LYPLAL1: variants seen among roughly 807,000 people sequenced by gnomAD.
The protein encoded by LYPLAL1 is lysophospholipase like 1.
A neutral mutation model predicts 19.7 loss-of-function variants in LYPLAL1; 23 were observed. That is an observed-to-expected ratio of 1.17 (90% CI 0.84 to 1.65). LYPLAL1 has a LOEUF of 1.65. Among genes scored for constraint, LYPLAL1 ranks in the 40% most tolerant of loss-of-function variants. LYPLAL1 has a pLI of 0.00. For synonymous variants in LYPLAL1, 119 were observed against 96.3 expected (o/e 1.24, Z -1.38); for missense variants, 355 against 279.4 (o/e 1.27, Z -1.93).
chr1:219,377,564 T>G, the LYPLAL1 span, among the ~76,000 whole-genome samples: 1 of 148,640 alleles, frequency 6.7e-6, no homozygotes, highest in East Asian at 1.9e-4. Context: ...CCCACATACC[T>G]TTAGTTTATT....
Position 219,173,944 on chromosome 1 carries a change from G to C in LYPLAL1, c.54G>C (p.Gly18=), listed in dbSNP as rs371153720. 4.3e-6 allele frequency: 7 copies of C among 1,613,998 alleles called. No individual in the cohort carries two copies. The highest frequency in any genetic ancestry group is 5.9e-6 in the Non-Finnish European group (7 of 1,179,974). Residue 18 remains glycine, a synonymous_variant, in exon 1 of 5, where the codon GGG becomes GGC. Transcript: ENST00000366928. ...AGCGCTGTATCGTGTCGCCGGCAGG[G>C]AGGCATAGCGCCTCTCTGATCTTCC... ...VLQRCIVSPA[G]RHSASLIFLH...
chr1:219,260,446 CT>C, the LYPLAL1 span, among the ~76,000 whole-genome samples: 1 of 151,622 alleles, frequency 6.6e-6, no homozygotes, highest in Admixed American at 6.6e-5. Flanking sequence ...GCAGTCATAA[CT>C]TCAACACATC....
the LYPLAL1 span, among the ~76,000 whole-genome samples, chr1:219,436,403 TA>T: frequency 6.6e-6 from 1 of 152,248 alleles, no homozygotes; most frequent in Non-Finnish European, 1.5e-5. Flanking sequence ...GTTTTCAACC[TA>T]AAAGTTCATT....
At chr1:219,369,206 T>C in the LYPLAL1 span, among the ~76,000 whole-genome samples, 12 of 152,358 alleles carry the variant, frequency 7.9e-5, no homozygotes, top group Admixed American at 1.3e-4. Flanking sequence ...TCTGTCATCT[T>C]GTGTATAAAA....
chr1:219,407,030 ATGT>A, the LYPLAL1 span, among the ~76,000 whole-genome samples: 1 of 152,196 alleles, frequency 6.6e-6, no homozygotes, highest in Admixed American at 6.5e-5. Context: ...TTCCTTAATG[ATGT>A]TGTTTCACAT....
chr1:219,199,224 A>C (rs182739219), intron 3 of LYPLAL1, among the ~76,000 whole-genome samples: 1 of 152,344 alleles, frequency 6.6e-6, no homozygotes, highest in East Asian at 1.9e-4. Flanking sequence ...ATATCCGAAG[A>C]TAAGTTAGAA....
In LYPLAL1 at chr1:219,193,164, G is replaced by A. The variant is rs756035228; in HGVS notation, c.274G>A (p.Glu92Lys). 2.5e-6 allele frequency: 4 copies of A among 1,609,050 alleles called. No individual in the cohort carries two copies. Among genetic ancestry groups the A allele is most frequent in the Non-Finnish European group, 3.4e-6 (4 of 1,177,012 alleles). The change falls in exon 3 of 5, where the codon GAA becomes AAA. Residue 92 changes from glutamate (E) to lysine (K), a missense_variant. Transcript: ENST00000366928. ...KITNDCPEHL[E>K]SIDVMCQVLT... ...AACCAATGACTGCCCAGAACACCTT[G>A]AATCAATTGATGTCATGTGTCAAGT...
At chr1:219,217,490 G>C (rs1020090424), downstream of LYPLAL1, among the ~76,000 whole-genome samples, 1 of 150,980 alleles carries the variant, frequency 6.6e-6, no homozygotes, top group African/African-American at 2.4e-5. Flanking sequence ...CTTCAATCCT[G>C]GTCCTCCATC....
chr1:219,217,379 G>GGGGTGTGTGTGTGTGTGTGT (rs1553304603), downstream of LYPLAL1, among the ~76,000 whole-genome samples: 94 of 134,128 alleles, frequency 7.0e-4, no homozygotes, highest in Middle Eastern at 3.8e-3. Context: ...TGCCAGGTTT[G>GGGGTGTGTGTGTGTGTGTGT]GTGTGTGTGT....
At chr1:219,387,141 G>A in the LYPLAL1 span, among the ~76,000 whole-genome samples, 1 of 152,034 alleles carries the variant, frequency 6.6e-6, no homozygotes, top group Non-Finnish European at 1.5e-5. Flanking sequence ...ATGCTCCTCT[G>A]TCCAAATATA....
chr1:219,235,703 A>G, the LYPLAL1 span, among the ~76,000 whole-genome samples: 1 of 152,166 alleles, frequency 6.6e-6, no homozygotes. Context: ...AAATTCAAGT[A>G]TAGTCTTGGC....
At chr1:219,375,515 A>AAG in the LYPLAL1 span, among the ~76,000 whole-genome samples, 40 of 147,932 alleles carry the variant, frequency 2.7e-4, no homozygotes, top group African/African-American at 9.9e-4. Context: ...AAAAAAAAAA[A>AAG]GGAACAAATA....
At chr1:219,193,061 G>GT (rs72511830) in intron 2 of LYPLAL1, 21 bp from the exon 3 acceptor site, 25 of 1,510,754 alleles carry the variant, frequency 1.7e-5, no homozygotes, top group African/African-American at 8.5e-5. Context: ...TTTTTTTTGG[G>GT]GGGGGGCGGT....
the LYPLAL1 span, among the ~76,000 whole-genome samples, chr1:219,362,226 T>C: frequency 1.3e-5 from 2 of 152,208 alleles, no homozygotes. Flanking sequence ...TGGATGAAAA[T>C]GATATAGACA....
chr1:219,304,617 G>A, the LYPLAL1 span, among the ~76,000 whole-genome samples: 1 of 152,184 alleles, frequency 6.6e-6, no homozygotes, highest in African/African-American at 2.4e-5. Context: ...TGAAGACTGG[G>A]AAACAAGAGT....
At chr1:219,341,449 C>T in the LYPLAL1 span, among the ~76,000 whole-genome samples, 1 of 152,082 alleles carries the variant, frequency 6.6e-6, no homozygotes, top group African/African-American at 2.4e-5. Context: ...CATGGCTCTC[C>T]TTTCAGAAAA....
chr1:219,383,444 A>G, the LYPLAL1 span, among the ~76,000 whole-genome samples: 2 of 152,224 alleles, frequency 1.3e-5, no homozygotes, highest in East Asian at 3.8e-4. Context: ...GCTCAGATGT[A>G]TCACTGCACT....
the LYPLAL1 span, among the ~76,000 whole-genome samples, chr1:219,403,054 TAG>T: frequency 2.6e-5 from 4 of 152,288 alleles, no homozygotes; most frequent in Non-Finnish European, 5.9e-5. Context: ...TCATGCAAAG[TAG>T]AGAGATACAA....
At chr1:219,299,266 T>G in the LYPLAL1 span, among the ~76,000 whole-genome samples, 4 of 151,660 alleles carry the variant, frequency 2.6e-5, no homozygotes, top group African/African-American at 9.7e-5. Context: ...AGATAACCAA[T>G]TGGAAGCAGC....
Sources: gnomAD v4.1 joint callset for allele counts (sites outside exome capture counted in the v4.1 genomes callset) on GRCh38, gnomAD v4.1.1 for gene constraint, MANE v1.5 for transcripts, NCBI Gene and HGNC (gene_info 2026-07-23, HGNC 2026-07-21) for gene names.